Variants in ANK3 observed in about 807,000 individuals in gnomAD.
ANK3 encodes ankyrin-3.
A neutral mutation model predicts 370.9 loss-of-function variants in ANK3; 57 were observed. The observed-to-expected ratio is 0.15, with a 90% CI of 0.12 to 0.19. The LOEUF (loss-of-function observed/expected upper bound fraction) is 0.19, where lower values mean the gene tolerates loss of function less well. ANK3 is among the 10% of genes least tolerant of loss of function. The pLI, the probability that ANK3 is intolerant of heterozygous loss-of-function variation, is 1.00. For synonymous variants in ANK3, 1,929 were observed against 1,946.3 expected (o/e 0.99, Z 0.23); for missense variants, 4,439 against 5,302.1 (o/e 0.84, Z 5.06).
chr10:60,452,906 C>T (rs7921710), intron 2 of ANK3, among the ~76,000 whole-genome samples: 53,852 of 151,970 alleles, frequency 0.35, 9,672 homozygotes, highest in South Asian at 0.47. Context: ...CCATCACATA[C>T]ACCTGGACAC....
chr10:60,364,094 G>T (rs1239904676), intron 1 of ANK3, among the ~76,000 whole-genome samples: 1 of 151,172 alleles, frequency 6.6e-6, no homozygotes, highest in African/African-American at 2.4e-5. Flanking sequence ...AGGAGTTCCT[G>T]ACCAGCCTGG....
chr10:60,652,794 C>T (rs978190870), intron 1 of ANK3, among the ~76,000 whole-genome samples: 1 of 151,612 alleles, frequency 6.6e-6, no homozygotes, highest in African/African-American at 2.4e-5. Context: ...GAAGCAGAGG[C>T]AGGATAAAGA....
intron 2 of ANK3, among the ~76,000 whole-genome samples, chr10:60,484,522 G>A (rs1285261731): frequency 3.3e-5 from 5 of 152,100 alleles, no homozygotes; most frequent in Admixed American, 3.3e-4. Flanking sequence ...TGGGTGATGG[G>A]TAATCAGTGG....
Position 60,198,333 on chromosome 10 carries a change from T to G in ANK3, c.1689+7A>C, listed in dbSNP as rs1402519159. On this transcript the variant is annotated splice_region_variant and intron_variant, in intron 14 of 43. Coordinates refer to ENST00000280772, the MANE Select transcript of ANK3 (RefSeq NM_020987.5). ...ACAGAGCAGGATTCTGAGATTTGCT[T>G]TCATACCTTTGTTGTTATAGATAAA... 45 of 1,614,018 alleles carry G rather than the reference T, an allele frequency of 2.8e-5. No individual in the cohort carries two copies. The highest frequency in any genetic ancestry group is 6.7e-5 in the African/African-American group (5 of 74,940).
intron 1 of ANK3, among the ~76,000 whole-genome samples, chr10:60,376,754 T>C (rs1431097630): frequency 1.3e-5 from 2 of 152,226 alleles, no homozygotes; most frequent in Non-Finnish European, 2.9e-5. Flanking sequence ...GCACACTCAA[T>C]ATCTTTTGAA....
intron 1 of ANK3, among the ~76,000 whole-genome samples, chr10:60,349,484 A>T (rs1201492407): frequency 6.7e-6 from 1 of 149,898 alleles, no homozygotes; most frequent in Non-Finnish European, 1.5e-5. Flanking sequence ...AATCCATGAA[A>T]TATTCAGTGC....
intron 18 of ANK3, among the ~76,000 whole-genome samples, chr10:60,177,222 C>A (rs2095992672): frequency 6.6e-6 from 1 of 152,144 alleles, no homozygotes; most frequent in African/African-American, 2.4e-5. Flanking sequence ...TGGAGTGGAT[C>A]CCGAGGGTTT....
chr10:60,377,283 T>C (rs1273567191), intron 1 of ANK3, among the ~76,000 whole-genome samples: 1 of 152,198 alleles, frequency 6.6e-6, no homozygotes, highest in Admixed American at 6.5e-5. Context: ...AGGTAGCAGA[T>C]ATGTGGCCAG....
intron 9 of ANK3, among the ~76,000 whole-genome samples, chr10:60,212,118 G>T (rs1249889396): frequency 6.6e-6 from 1 of 151,944 alleles, no homozygotes; most frequent in African/African-American, 2.4e-5. Context: ...AAATTAAGAA[G>T]ATTTCTCAGA....
intron 3 of ANK3, 62 bp from the exon 4 acceptor site, chr10:60,278,934 A>G: frequency 6.4e-7 from 1 of 1,571,624 alleles, no homozygotes; most frequent in Non-Finnish European, 8.8e-7. Flanking sequence ...TGTTCTCCCC[A>G]AAGAGAACAA....
chr10:60,506,088 A>T (rs1273417145), intron 2 of ANK3, among the ~76,000 whole-genome samples: 1 of 152,090 alleles, frequency 6.6e-6, no homozygotes, highest in Non-Finnish European at 1.5e-5. Context: ...GGACTGGGTG[A>T]TTATTTTATA....
At chr10:60,219,650 C>T (rs1264085878) in intron 8 of ANK3, among the ~76,000 whole-genome samples, 1 of 152,134 alleles carries the variant, frequency 6.6e-6, no homozygotes, top group Non-Finnish European at 1.5e-5. Flanking sequence ...GAAGTTTTCA[C>T]AAGTGTTCTT....
chr10:60,213,440 C>A lies in ANK3; in HGVS notation c.968G>T (p.Arg323Leu). The A allele has an allele frequency of 6.2e-7, 1 of 1,612,516 alleles. No homozygotes were observed. The highest frequency in any genetic ancestry group is 8.5e-7 in the Non-Finnish European group (1 of 1,179,156). The change falls in exon 9 of 44, where the codon CGA becomes CTA. Residue 323 changes from arginine (R) to leucine (L), a missense_variant. Arg to Leu is a moderately radical substitution (Grantham distance 102, BLOSUM62 -2). Transcript: ENST00000280772. ...GGTTTTTGAAAGAATGGGGGCAGCTCGATCAAGCAACATTTCTACCACCTG... is the reference window on the plus strand; with the variant it reads ...GGTTTTTGAAAGAATGGGGGCAGCTAGATCAAGCAACATTTCTACCACCTG... Reference protein sequence around the residue: ...HEQVVEMLLDRAAPILSKTKN... With the variant: ...HEQVVEMLLDLAAPILSKTKN...
At chr10:60,041,654 C>T (rs748817051) in intron 43 of ANK3, among the ~76,000 whole-genome samples, 2 of 152,138 alleles carry the variant, frequency 1.3e-5, no homozygotes, top group Non-Finnish European at 2.9e-5. Flanking sequence ...GAGTGGTCTT[C>T]TCAATGCCAT....
intron 1 of ANK3, among the ~76,000 whole-genome samples, chr10:60,313,913 C>T (rs1158627982): frequency 1.3e-5 from 2 of 148,384 alleles, no homozygotes; most frequent in Non-Finnish European, 3.0e-5. Context: ...TTGTCCCTGC[C>T]TCTGTTTTGT....
At chr10:60,209,401 A>C (rs572459641) in intron 9 of ANK3, among the ~76,000 whole-genome samples, 1 of 152,342 alleles carries the variant, frequency 6.6e-6, no homozygotes, top group East Asian at 1.9e-4. Flanking sequence ...AAGAAAAAGT[A>C]GTATAAGCTC....
chr10:60,241,066 C>T (rs2097449460), intron 7 of ANK3, among the ~76,000 whole-genome samples: 1 of 152,166 alleles, frequency 6.6e-6, no homozygotes, highest in Non-Finnish European at 1.5e-5. Context: ...ACTCTCATCC[C>T]TTGCTTTCTA....
At chr10:60,199,066 G>A (rs2096631951) in intron 13 of ANK3, among the ~76,000 whole-genome samples, 1 of 152,136 alleles carries the variant, frequency 6.6e-6, no homozygotes, top group African/African-American at 2.4e-5. Flanking sequence ...CTGCTTGCCA[G>A]GCTGTGCATC....
intron 23 of ANK3, among the ~76,000 whole-genome samples, chr10:60,162,407 G>A (rs2095521532): frequency 1.3e-5 from 2 of 152,062 alleles, no homozygotes; most frequent in Admixed American, 6.6e-5. Flanking sequence ...ATGTGTATTT[G>A]GGCTTTCCTA....
Sources: gnomAD v4.1 joint callset for allele counts (sites outside exome capture counted in the v4.1 genomes callset) on GRCh38, gnomAD v4.1.1 for gene constraint, MANE v1.5 for transcripts, NCBI Gene and HGNC (gene_info 2026-07-23, HGNC 2026-07-21) for gene names.